The following STK32B variants were observed in gnomAD, a reference collection of about 807,000 sequenced individuals.
STK32B encodes the protein serine/threonine kinase 32B.
In STK32B, 43 loss-of-function variants were observed where a neutral mutation model predicts 52.6. The ratio of observed to expected loss-of-function variants is 0.82; its 90% CI spans 0.64 to 1.05. STK32B has a LOEUF of 1.05. STK32B is among the 50% of genes least tolerant of loss of function. STK32B has a pLI of 0.00. For missense variants in STK32B, 621 were observed against 534.6 expected (o/e 1.16, Z -1.59); for synonymous variants, 238 against 204.3 (o/e 1.17, Z -1.41).
At position 5,060,986 on chromosome 4, in the gene STK32B, C is replaced by T. The variant is rs140870081; in HGVS notation, c.52+9071C>T. ...GATGATGTGCATAGGTATGATGATC[C>T]GGCCATCTCTGTTTGTTGTTAGTGC... is the stretch of plus-strand genomic sequence containing the variant. On this transcript the variant is annotated intron_variant, in intron 1 of 11. Coordinates refer to ENST00000282908, the MANE Select transcript of STK32B (RefSeq NM_018401.3). Among the ~76,000 whole-genome samples, 23 of 152,212 alleles carry T rather than the reference C, an allele frequency of 1.5e-4. No homozygotes were observed. In the South Asian group the frequency reaches 1.9e-3, roughly 12 times the overall value.
chr4:5,270,970 C>T (rs1449354413), intron 3 of STK32B, among the ~76,000 whole-genome samples: 1 of 143,032 alleles, frequency 7.0e-6, no homozygotes, highest in African/African-American at 2.5e-5. Context: ...AGACAGAGTG[C>T]TGTGTCACCC....
At chr4:5,057,449 G>T (rs923590622) in intron 1 of STK32B, among the ~76,000 whole-genome samples, 3 of 152,172 alleles carry the variant, frequency 2.0e-5, no homozygotes, top group Admixed American at 1.3e-4. Context: ...TCTGACTCTT[G>T]CATAGTGTGA....
At chr4:5,419,779 C>T (rs1054339615) in intron 6 of STK32B, among the ~76,000 whole-genome samples, 1 of 152,240 alleles carries the variant, frequency 6.6e-6, no homozygotes, top group East Asian at 1.9e-4. Context: ...GATCTATTTG[C>T]TCTGTTTTAT....
intron 9 of STK32B, among the ~76,000 whole-genome samples, chr4:5,466,071 G>A (rs1717411993): frequency 6.6e-6 from 1 of 152,182 alleles, no homozygotes; most frequent in South Asian, 2.1e-4. Context: ...TGCCTTTGGG[G>A]ACCGGCACCT....
intron 1 of STK32B, among the ~76,000 whole-genome samples, chr4:5,084,944 C>G (rs776733820): frequency 5.3e-5 from 8 of 152,160 alleles, no homozygotes; most frequent in Non-Finnish European, 1.0e-4. Flanking sequence ...GTAGCAAGGG[C>G]CTCTGGCATG....
At chr4:5,101,837 T>C (rs1713804350) in intron 1 of STK32B, among the ~76,000 whole-genome samples, 1 of 152,214 alleles carries the variant, frequency 6.6e-6, no homozygotes, top group Admixed American at 6.5e-5. Context: ...TTCAGTTTTG[T>C]AAATATGCCT....
At chr4:5,082,012 C>A (rs574858355) in intron 1 of STK32B, among the ~76,000 whole-genome samples, 2 of 152,276 alleles carry the variant, frequency 1.3e-5, no homozygotes, top group East Asian at 1.9e-4. Flanking sequence ...CAGTCCCCCC[C>A]AGTTTTTAAT....
At chr4:5,033,141 G>A in the STK32B span, among the ~76,000 whole-genome samples, 1 of 152,110 alleles carries the variant, frequency 6.6e-6, no homozygotes, top group Non-Finnish European at 1.5e-5. Context: ...CCACACACTA[G>A]CCTATAAGGG....
rs550076013 is a variant in STK32B, at chr4:5,386,202, C to T, written c.435-12005C>T. ...TCTCACACAGCACCCTCACTCTCCC[C>T]CTCTATTTCCCTCAGCGTATCATAT... On this transcript the variant is annotated intron_variant, in intron 4 of 11. Transcript: ENST00000282908. This position sits in a 1 kb window ranked among gnomAD's most constrained non-coding sequence, Gnocchi z 4.5. Among the ~76,000 whole-genome samples the T allele has an allele frequency of 2.6e-5, 4 of 152,038 alleles. No homozygotes were observed. The highest frequency in any genetic ancestry group is 9.7e-5 in the African/African-American group (4 of 41,388).
chr4:5,266,000 T>C (rs899210287), intron 3 of STK32B, among the ~76,000 whole-genome samples: 2 of 152,238 alleles, frequency 1.3e-5, no homozygotes, highest in African/African-American at 2.4e-5. Context: ...TTTTCACTTA[T>C]TTTGTTTCAG....
At chr4:5,243,418 A>G (rs888317570) in intron 3 of STK32B, among the ~76,000 whole-genome samples, 5 of 152,306 alleles carry the variant, frequency 3.3e-5, no homozygotes, top group Middle Eastern at 3.4e-3. Flanking sequence ...CGATTTTTGC[A>G]CGTTGATTCT....
chr4:5,357,670 T>C (rs1484327727), intron 4 of STK32B, among the ~76,000 whole-genome samples: 1 of 127,118 alleles, frequency 7.9e-6, no homozygotes, highest in Non-Finnish European at 1.6e-5. Flanking sequence ...AATCAAGTAC[T>C]TTTTAAATAT....
At chr4:5,249,509 CCCTT>C (rs1381726007) in intron 3 of STK32B, among the ~76,000 whole-genome samples, 9 of 136,426 alleles carry the variant, frequency 6.6e-5, no homozygotes, top group African/African-American at 2.9e-5. Context: ...CTTCCTCCCT[CCCTT>C]CCTTTAAACT....
upstream of STK32B, among the ~76,000 whole-genome samples, chr4:5,047,416 T>C (rs554168542): frequency 6.6e-6 from 1 of 151,960 alleles, no homozygotes; most frequent in African/African-American, 2.4e-5. Flanking sequence ...TGTCTACTTA[T>C]GTAACAAACC....
chr4:5,497,813 A>C (rs1363483379), intron 11 of STK32B, among the ~76,000 whole-genome samples: 1 of 152,186 alleles, frequency 6.6e-6, no homozygotes, highest in Non-Finnish European at 1.5e-5. Flanking sequence ...AGCAGCATAC[A>C]CAGAGGCTTG....
intron 11 of STK32B, 61 bp from the exon 12 acceptor site, chr4:5,498,884 C>T: frequency 6.5e-7 from 1 of 1,536,406 alleles, no homozygotes; most frequent in Non-Finnish European, 8.8e-7. Flanking sequence ...CAGTGTGTCT[C>T]CTGGATGTGC....
chr4:5,282,465 A>G (rs1728266585), intron 3 of STK32B, among the ~76,000 whole-genome samples: 1 of 152,208 alleles, frequency 6.6e-6, no homozygotes, highest in South Asian at 2.1e-4. Context: ...AACTAACACT[A>G]AGAACAATTA....
intron 3 of STK32B, among the ~76,000 whole-genome samples, chr4:5,309,013 C>CA (rs558952648): frequency 1.5e-3 from 228 of 151,920 alleles, no homozygotes; most frequent in African/African-American, 5.0e-3. Flanking sequence ...AAAAGCTCCA[C>CA]AAAAAAACTC....
At chr4:5,036,702 C>T in the STK32B span, among the ~76,000 whole-genome samples, 2 of 112,408 alleles carry the variant, frequency 1.8e-5, no homozygotes, top group Non-Finnish European at 3.3e-5. Context: ...GAGTCTTGCT[C>T]TGTCATCCAG....
Sources: allele counts gnomAD v4.1 joint callset (sites outside exome capture counted in the v4.1 genomes callset), GRCh38; gene constraint gnomAD v4.1.1; non-coding constraint Gnocchi (gnomAD v3.1); transcripts MANE v1.5; gene names NCBI Gene and HGNC (gene_info 2026-07-23, HGNC 2026-07-21).